The following OR10A2 variants were observed in gnomAD, a reference collection of about 807,000 sequenced individuals.
OR10A2 encodes olfactory receptor 10A2.
A neutral mutation model predicts 13.7 loss-of-function variants in OR10A2; 15 were observed. That is an observed-to-expected ratio of 1.10 (90% CI 0.73 to 1.69). The LOEUF (loss-of-function observed/expected upper bound fraction) is 1.69. OR10A2 is among the 40% of genes most tolerant of loss of function. OR10A2 has a pLI of 0.00. For missense variants in OR10A2, 343 were observed against 361.1 expected (o/e 0.95, Z 0.41); for synonymous variants, 145 against 144.7 (o/e 1.00, Z -0.02).
At chr11:6,863,715 A>T (rs2595455) in intron 1 of OR10A2, among the ~76,000 whole-genome samples, 3 of 151,934 alleles carry the variant, frequency 2.0e-5, no homozygotes, top group Non-Finnish European at 4.4e-5. Flanking sequence ...GACTTGCCTC[A>T]GTGGAACATT....
Position 6,870,855 on chromosome 11 carries a change from C to T in OR10A2, c.*189C>T. On this transcript the variant is annotated 3_prime_UTR_variant, in exon 2 of 2. Transcript: ENST00000641461. ...CTAGCACCACCAACTATGAAAACTC[C>T]TCTGCCTGCCCATTGTAGACTTACA... The T allele has an allele frequency of 2.0e-6, 1 of 503,790 alleles. No individual in the cohort carries two copies. The highest frequency in any genetic ancestry group is 3.5e-6 in the Non-Finnish European group (1 of 287,048). 31.2% of individuals were successfully genotyped at this position (503,790 alleles called of 1,614,324 possible).
At chr11:6,866,717 G>C (rs921589921) in intron 1 of OR10A2, among the ~76,000 whole-genome samples, 1 of 151,160 alleles carries the variant, frequency 6.6e-6, no homozygotes, top group Non-Finnish European at 1.5e-5. Flanking sequence ...GTTTTATTTT[G>C]TTTTAATCAT....
In OR10A2 at chr11:6,870,742, T is replaced by C. The variant is rs1212457074; in HGVS notation, c.*76T>C. ...GATTTGAGATTCCTCTCTGCATCTT[T>C]CCACATCTCCAATAAGATGAAGTCC... On this transcript the variant is annotated 3_prime_UTR_variant, in exon 2 of 2. Transcript: ENST00000641461. 4.3e-5 allele frequency: 50 copies of C among 1,165,302 alleles called. No homozygotes were observed. Among genetic ancestry groups the C allele is most frequent in the Non-Finnish European group, 6.1e-5 (50 of 819,544 alleles). The allele number at this position is 1,165,302 out of a possible 1,614,324, so 72.2% of individuals were successfully genotyped here. A position where few individuals can be genotyped will look rare whatever the true frequency, so the allele number is the denominator to read the frequency against.
At chr11:6,865,504 G>C (rs1469221766) in intron 1 of OR10A2, among the ~76,000 whole-genome samples, 1 of 151,894 alleles carries the variant, frequency 6.6e-6, no homozygotes, top group African/African-American at 2.4e-5. Context: ...AACTATAATA[G>C]TCAGCACTGA....
chr11:6,863,977 T>C (rs537607118), intron 1 of OR10A2, among the ~76,000 whole-genome samples: 1 of 152,350 alleles, frequency 6.6e-6, no homozygotes, highest in African/African-American at 2.4e-5. Flanking sequence ...TCCTTTCTTT[T>C]TTGCTTATAA....
chr11:6,872,358 TAATA>T lies in OR10A2; in HGVS notation c.*1697_*1700del, dbSNP rs1481736277. On this transcript the variant is annotated 3_prime_UTR_variant, in exon 2 of 2. Coordinates refer to ENST00000641461, the MANE Select transcript of OR10A2 (RefSeq NM_001004460.2). The stretch of plus-strand genomic sequence containing the variant: ...CTGTATGCACCCATTTCAAGTTTAT[TAATA>T]AATACATTAAATTTTGTATATACTA... The T allele has an allele frequency of 6.6e-6, 1 of 152,226 alleles. No individual in the cohort carries two copies. Among genetic ancestry groups the T allele is most frequent in the African/African-American group, 2.4e-5 (1 of 41,450 alleles). The allele number at this position is 152,226 out of a possible 1,614,324, so 9.4% of individuals were successfully genotyped here. A position where few individuals can be genotyped will look rare whatever the true frequency, so the allele number is the denominator to read the frequency against.
chr11:6,863,608 C>G (rs1005561598), intron 1 of OR10A2, among the ~76,000 whole-genome samples: 2 of 152,092 alleles, frequency 1.3e-5, no homozygotes, highest in African/African-American at 4.8e-5. Flanking sequence ...ATTCTGTCCT[C>G]TAAAGTTTTC....
At position 6,870,193 on chromosome 11, in the gene OR10A2, A is replaced by C; in HGVS notation, c.439A>C (p.Thr147Pro). The C allele has an allele frequency of 6.2e-7, 1 of 1,614,200 alleles. No homozygotes were observed. The highest frequency in any genetic ancestry group is 8.5e-7 in the Non-Finnish European group (1 of 1,180,040). The change falls in exon 2 of 2, where the codon ACC (threonine) becomes CCC (proline). Residue 147 changes from threonine to proline, a missense_variant. Transcript: ENST00000641461. ...FPGFPVATVQ[T>P]TWLFSFPFCG... ...AGGCTTTCCTGTAGCTACTGTGCAGACCACATGGCTCTTCAGTTTTCCATT... is the reference window on the plus strand; with the variant it reads ...AGGCTTTCCTGTAGCTACTGTGCAGCCCACATGGCTCTTCAGTTTTCCATT...
rs1209961697 is a variant in OR10A2, at chr11:6,872,184, G to C, written c.*1518G>C. On this transcript the variant is annotated 3_prime_UTR_variant, in exon 2 of 2. Transcript: ENST00000641461. The stretch of plus-strand genomic sequence containing the variant: ...AAAGGTGTGCATTTCATTGAAACTT[G>C]AGTTATAGATTAGACGATTAGCAAT... 1.3e-5 allele frequency: 2 copies of C among 152,136 alleles called. No homozygotes were observed. Among genetic ancestry groups the C allele is most frequent in the Non-Finnish European group, 2.9e-5 (2 of 68,020 alleles). 9.4% of individuals were successfully genotyped at this position (152,136 alleles called of 1,614,324 possible). A position where few individuals can be genotyped will look rare whatever the true frequency, so the allele number is the denominator to read the frequency against.
At chr11:6,869,323 G>T (rs947298761) in intron 1 of OR10A2, among the ~76,000 whole-genome samples, 1 of 152,184 alleles carries the variant, frequency 6.6e-6, no homozygotes, top group African/African-American at 2.4e-5. Flanking sequence ...AAATTTAAAT[G>T]TATGTGTTCT....
Position 6,874,344 on chromosome 11 carries a change from G to A in OR10A2, c.*3678G>A, listed in dbSNP as rs1848464794. On this transcript the variant is annotated 3_prime_UTR_variant, in exon 2 of 2. Coordinates refer to ENST00000641461, the MANE Select transcript of OR10A2 (RefSeq NM_001004460.2). ...TATTTCAAGGAGCATGTCATCTACT[G>A]TATGAGACAAATACATACAATAATG... 6.6e-6 allele frequency: 1 copy of A among 152,170 alleles called. No individual in the cohort carries two copies. The highest frequency in any genetic ancestry group is 6.5e-5 in the Admixed American group (1 of 15,282). The allele number at this position is 152,170 out of a possible 1,614,324, so 9.4% of individuals were successfully genotyped here.
At position 6,872,192 on chromosome 11, in the gene OR10A2, G is replaced by A. The variant is rs1848440634; in HGVS notation, c.*1526G>A. 6.6e-6 allele frequency: 1 copy of A among 152,174 alleles called. No homozygotes were observed. The highest frequency in any genetic ancestry group is 1.5e-5 in the Non-Finnish European group (1 of 68,030). 9.4% of individuals were successfully genotyped at this position (152,174 alleles called of 1,614,324 possible). On this transcript the variant is annotated 3_prime_UTR_variant, in exon 2 of 2. Transcript: ENST00000641461. The stretch of plus-strand genomic sequence containing the variant: ...GCATTTCATTGAAACTTGAGTTATA[G>A]ATTAGACGATTAGCAATTGGTGATG...
At chr11:6,864,073 C>T (rs534620186) in intron 1 of OR10A2, among the ~76,000 whole-genome samples, 2 of 152,178 alleles carry the variant, frequency 1.3e-5, no homozygotes, top group African/African-American at 2.4e-5. Context: ...AGATTGGACA[C>T]CCCTGTTCTA....
Position 6,869,975 on chromosome 11 carries a change from C to T in OR10A2, c.221C>T (p.Ala74Val), listed in dbSNP as rs968451264. ...IVPKMLGTLL[A>V]QDTTISFLGC... ...CCCAAAATGCTGGGGACCCTGCTTG[C>T]CCAGGACACAACCATCTCCTTCCTT... Residue 74 changes from alanine to valine, a missense_variant, in exon 2 of 2, where the codon GCC becomes GTC. Physicochemically the swap from Ala to Val is moderately conservative, Grantham distance 64. Transcript: ENST00000641461. The T allele has an allele frequency of 6.2e-7, 1 of 1,614,158 alleles. No individual in the cohort carries two copies. Among genetic ancestry groups the T allele is most frequent in the Non-Finnish European group, 8.5e-7 (1 of 1,180,002 alleles).
chr11:6,870,808 G>C lies in OR10A2; in HGVS notation c.*142G>C, dbSNP rs980126456. 7.5e-6 allele frequency: 5 copies of C among 664,182 alleles called. No homozygotes were observed. The highest frequency in any genetic ancestry group is 1.0e-5 in the Non-Finnish European group (4 of 397,850). The allele number at this position is 664,182 out of a possible 1,614,324, so 41.1% of individuals were successfully genotyped here. A position where few individuals can be genotyped will look rare whatever the true frequency, so the allele number is the denominator to read the frequency against. On this transcript the variant is annotated 3_prime_UTR_variant, in exon 2 of 2. Transcript: ENST00000641461. ...TTTTGGAAAGCTGAGTGGAGAGAAA[G>C]GAGCAGAGAAGTAGTTTCGACCTAG...
At chr11:6,867,788 C>T (rs996821330) in intron 1 of OR10A2, among the ~76,000 whole-genome samples, 1 of 152,018 alleles carries the variant, frequency 6.6e-6, no homozygotes, top group Non-Finnish European at 1.5e-5. Flanking sequence ...CTCACTCTGT[C>T]ACCCAGGCTG....
rs1416504087 is a variant in OR10A2 at position 6,872,745 on chromosome 11, C to T, written c.*2079C>T. The T allele has an allele frequency of 6.6e-6, 1 of 152,126 alleles. No homozygotes were observed. Among genetic ancestry groups the T allele is most frequent in the Non-Finnish European group, 1.5e-5 (1 of 68,062 alleles). The allele number at this position is 152,126 out of a possible 1,614,324, so 9.4% of individuals were successfully genotyped here. A position where few individuals can be genotyped will look rare whatever the true frequency, so the allele number is the denominator to read the frequency against. On this transcript the variant is annotated 3_prime_UTR_variant, in exon 2 of 2. Coordinates refer to ENST00000641461, the MANE Select transcript of OR10A2 (RefSeq NM_001004460.2). Reference sequence around the variant, plus strand: ...TCAAGCAATCCTTCTGCCTGAACCTCTCAAAGTGCTGGGATTATAAGTGTG... The same window carrying T: ...TCAAGCAATCCTTCTGCCTGAACCTTTCAAAGTGCTGGGATTATAAGTGTG...
chr11:6,864,334 A>AG (rs1848364138), intron 1 of OR10A2, among the ~76,000 whole-genome samples: 1 of 151,936 alleles, frequency 6.6e-6, no homozygotes, highest in South Asian at 2.1e-4. Flanking sequence ...ATTGAGAAAA[A>AG]AAAATTCTAA....
Position 6,867,009 on chromosome 11 carries a change from A to C in OR10A2, c.-132-2614A>C, listed in dbSNP as rs974498535. On this transcript the variant is annotated intron_variant, in intron 1 of 1. Coordinates refer to ENST00000641461, the MANE Select transcript of OR10A2 (RefSeq NM_001004460.2). The stretch of plus-strand genomic sequence containing the variant: ...TGTATTTTACTTCATTATTCCTCTT[A>C]TAATTGTTATGTTTTCATAATTTTT... Among the ~76,000 whole-genome samples the C allele has an allele frequency of 3.9e-5, 6 of 151,996 alleles. No homozygotes were observed. In the East Asian group the frequency reaches 1.2e-3, roughly 29 times the overall value.
Sources: gnomAD v4.1 joint callset for allele counts (sites outside exome capture counted in the v4.1 genomes callset) on GRCh38, gnomAD v4.1.1 for gene constraint, MANE v1.5 for transcripts, NCBI Gene and HGNC (gene_info 2026-07-23, HGNC 2026-07-21) for gene names.